USP28: variants seen among roughly 807,000 people sequenced by gnomAD.
The protein encoded by USP28 is ubiquitin specific peptidase 28, also known as ubiquitin carboxyl-terminal hydrolase 28.
USP28 carries 113 observed loss-of-function variants against 145.0 expected under a neutral mutation model. That is an observed-to-expected ratio of 0.78 (90% confidence interval 0.67 to 0.91). USP28 has a LOEUF of 0.91. USP28 is among the 40% of genes least tolerant of loss of function. The probability of loss-of-function intolerance (pLI) is 0.00; values close to 1 mark genes in which losing one functional copy is unlikely to be tolerated. For synonymous variants in USP28, 447 were observed against 450.9 expected, an observed-to-expected ratio of 0.99 and a Z score of 0.11; for missense variants, 1,201 against 1,289.6, an observed-to-expected ratio of 0.93 and a Z score of 1.05.
At chr11:113,870,773 T>C (rs1196117253) in intron 1 of USP28, among the ~76,000 whole-genome samples, 1 of 152,230 alleles carries the variant, frequency 6.6e-6, no homozygotes, top group Admixed American at 6.5e-5. Context: ...TAAGAGTTAG[T>C]CTTGCTCAAG....
intron 1 of USP28, among the ~76,000 whole-genome samples, chr11:113,874,204 C>G (rs1352218554): frequency 6.7e-6 from 1 of 148,894 alleles, no homozygotes; most frequent in Non-Finnish European, 1.5e-5. Context: ...GTAATCCCAG[C>G]ACTCTGGAAG....
chr11:113,852,750 G>C, intron 2 of USP28, 117 bp from the exon 3 acceptor site: 11 of 1,179,790 alleles, frequency 9.3e-6, no homozygotes, highest in Non-Finnish European at 1.3e-5. Flanking sequence ...ATAATTCTAG[G>C]GTAGAATTAT....
At chr11:113,831,067 A>G in intron 8 of USP28, 124 bp from the exon 9 acceptor site, 1 of 870,008 alleles carries the variant, frequency 1.1e-6, no homozygotes, top group East Asian at 2.5e-5. Flanking sequence ...GCCAGGTATG[A>G]TCTAAATAAG....
intron 19 of USP28, among the ~76,000 whole-genome samples, chr11:113,805,825 T>C (rs186438805): frequency 1.3e-5 from 2 of 152,292 alleles, no homozygotes; most frequent in East Asian, 3.9e-4. Context: ...TCACAGAGAA[T>C]GTTACTGCTA....
chr11:113,832,463 CCCAGCTACT>C (rs1384557462), intron 7 of USP28, among the ~76,000 whole-genome samples: 2 of 152,046 alleles, frequency 1.3e-5, no homozygotes, highest in Non-Finnish European at 2.9e-5. Context: ...AACACTGAAA[CCCAGCTACT>C]ATACATAAAA....
At chr11:113,872,725 T>C (rs1948955092) in intron 1 of USP28, among the ~76,000 whole-genome samples, 1 of 152,218 alleles carries the variant, frequency 6.6e-6, no homozygotes. Flanking sequence ...CTGCCAAGAA[T>C]GACAGGTTTA....
chr11:113,869,658 T>C (rs1948626620), intron 1 of USP28, among the ~76,000 whole-genome samples: 1 of 152,152 alleles, frequency 6.6e-6, no homozygotes, highest in Non-Finnish European at 1.5e-5. Flanking sequence ...TTGCTGGGTT[T>C]TTGTAAATAA....
intron 12 of USP28, among the ~76,000 whole-genome samples, chr11:113,818,882 C>CAA (rs532395394): frequency 2.5e-4 from 33 of 134,476 alleles, no homozygotes; most frequent in East Asian, 4.3e-4. Flanking sequence ...AACAAAACAC[C>CAA]AAAAAAAAAA....
intron 1 of USP28, among the ~76,000 whole-genome samples, chr11:113,865,720 A>C (rs1045033324): frequency 6.6e-6 from 1 of 152,222 alleles, no homozygotes; most frequent in Admixed American, 6.5e-5. Flanking sequence ...ACCTAAATAA[A>C]TAACTAAAAC....
At chr11:113,803,923 G>A (rs1220135843) in intron 21 of USP28, 46 bp from the exon 23 acceptor site, 15 of 1,517,366 alleles carry the variant, frequency 9.9e-6, no homozygotes, top group African/African-American at 1.4e-5. Context: ...ATAATAGATT[G>A]TTAGTGTCCT....
rs1380616648 is a variant in USP28 at position 113,801,626 on chromosome 11, A to G, written c.2915T>C (p.Val972Ala). ...ATTCATCACATTAATGCCCTCAGTTACGGAGTGATCATCATTTGTTTCAAA... is the reference window on the plus strand; with the variant it reads ...ATTCATCACATTAATGCCCTCAGTTGCGGAGTGATCATCATTTGTTTCAAA... The change falls in exon 24 of 25, where the codon GTA (valine) becomes GCA (alanine). Residue 972 changes from valine (V) to alanine (A), a missense_variant. Transcript: ENST00000003302. 3 of 1,595,076 alleles carry G rather than the reference A, an allele frequency of 1.9e-6. No individual in the cohort carries two copies. In the African/African-American group the frequency reaches 4.0e-5, roughly 21 times the overall value.
At chr11:113,826,606 C>G (rs1039410791) in intron 11 of USP28, among the ~76,000 whole-genome samples, 1 of 151,752 alleles carries the variant, frequency 6.6e-6, no homozygotes, top group Non-Finnish European at 1.5e-5. Context: ...CATGCCTGGT[C>G]TCAACCAGAC....
In USP28 at chr11:113,803,149, A is replaced by G; in HGVS notation, c.2862+9T>C. ...AAAAAAACCTTAAGGCTTTACAAAC[A>G]GTACAAACCAGAAGGCATTTTCTTC... is the stretch of plus-strand genomic sequence containing the variant. On this transcript the variant is annotated intron_variant, in intron 23 of 24. Coordinates refer to ENST00000003302, the Ensembl canonical transcript of USP28. 2 of 1,608,060 alleles carry G rather than the reference A, an allele frequency of 1.2e-6. No homozygotes were observed. Among genetic ancestry groups the G allele is most frequent in the Non-Finnish European group, 1.7e-6 (2 of 1,177,612 alleles).
intron 3 of USP28, among the ~76,000 whole-genome samples, chr11:113,842,066 T>C (rs370297648): frequency 3.9e-5 from 6 of 152,274 alleles, no homozygotes; most frequent in African/African-American, 1.4e-4. Flanking sequence ...AAATAGTCTC[T>C]ATTATCACAA....
chr11:113,868,785 T>C (rs1320756152), intron 1 of USP28, among the ~76,000 whole-genome samples: 1 of 150,252 alleles, frequency 6.7e-6, no homozygotes, highest in Admixed American at 6.6e-5. Context: ...TAGCTAGGCA[T>C]GGTGGCACAT....
At chr11:113,803,242 C>G in exon 23 of USP28, 1 of 1,614,030 alleles carries the variant, frequency 6.2e-7, no homozygotes, top group Non-Finnish European at 8.5e-7. Context: ...CAGCATTGCT[C>G]TGGTAGGCAT....
rs752302682 is a variant in USP28 at position 113,805,055 on chromosome 11, G to A, written c.2401-9C>T. 6 of 1,613,238 alleles carry A rather than the reference G, an allele frequency of 3.7e-6. No homozygotes were observed. The highest frequency in any genetic ancestry group is 5.1e-6 in the Non-Finnish European group (6 of 1,179,624). ...TATTCTTCATGGAATGCCTATTAAG[G>A]GCAGAATCAATGGTTAGAAAATAGT... On this transcript the variant is annotated splice_polypyrimidine_tract_variant and intron_variant, in intron 19 of 24. Coordinates refer to ENST00000003302, the Ensembl canonical transcript of USP28.
intron 1 of USP28, chr11:113,874,795 T>C (rs766445130): frequency 2.3e-5 from 25 of 1,109,850 alleles, no homozygotes; most frequent in Non-Finnish European, 2.7e-5. Flanking sequence ...TTATATTGAT[T>C]TCAATCTTCT....
chr11:113,861,296 A>G (rs1371495048), intron 1 of USP28, among the ~76,000 whole-genome samples: 1 of 152,190 alleles, frequency 6.6e-6, no homozygotes, highest in Non-Finnish European at 1.5e-5. Context: ...TAAAGTAGCC[A>G]TAAGAATATG....
Sources: allele counts gnomAD v4.1 joint callset (sites outside exome capture counted in the v4.1 genomes callset), GRCh38; gene constraint gnomAD v4.1.1; transcripts MANE v1.5; gene names NCBI Gene and HGNC (gene_info 2026-07-23, HGNC 2026-07-21).